ITCH: variants seen among roughly 807,000 people sequenced by gnomAD.
The protein encoded by ITCH is itchy E3 ubiquitin protein ligase.
Under a neutral mutation model 126.8 loss-of-function variants are expected in ITCH, and 28 were observed. That is an observed-to-expected ratio of 0.22 (90% CI 0.16 to 0.30). The LOEUF (loss-of-function observed/expected upper bound fraction) is 0.30, where lower values mean the gene tolerates loss of function less well. Ranked by LOEUF, ITCH falls within the 10% of genes least tolerant of loss-of-function variation. The pLI, the probability that ITCH is intolerant of heterozygous loss-of-function variation, is 1.00. For synonymous variants in ITCH, 342 were observed against 340.0 expected, an observed-to-expected ratio of 1.01 and a Z score of -0.06; for missense variants, 631 against 1,032.4, an observed-to-expected ratio of 0.61 and a Z score of 5.33.
At chr20:34,386,758 T>C (rs1215077906) in intron 2 of ITCH, among the ~76,000 whole-genome samples, 2 of 152,206 alleles carry the variant, frequency 1.3e-5, no homozygotes, top group Non-Finnish European at 2.9e-5. Flanking sequence ...CAATATCCTG[T>C]TTAATAATTT....
intron 6 of ITCH, among the ~76,000 whole-genome samples, chr20:34,419,154 T>G (rs140813160): frequency 1.3e-5 from 2 of 152,338 alleles, no homozygotes; most frequent in East Asian, 3.9e-4. Flanking sequence ...GATATGGTCA[T>G]TGTGAATTTC....
chr20:34,482,077 C>T (rs1279038216), intron 20 of ITCH, among the ~76,000 whole-genome samples: 1 of 152,170 alleles, frequency 6.6e-6, no homozygotes, highest in Non-Finnish European at 1.5e-5. Context: ...GTCATGCAAA[C>T]AGCAGGGGAA....
chr20:34,494,188 C>T (rs1454514905), intron 23 of ITCH, among the ~76,000 whole-genome samples: 1 of 152,174 alleles, frequency 6.6e-6, no homozygotes, highest in Non-Finnish European at 1.5e-5. Flanking sequence ...TGAGATCGTG[C>T]CACTGCACTC....
intron 13 of ITCH, among the ~76,000 whole-genome samples, chr20:34,461,082 A>C (rs1386782460): frequency 1.3e-5 from 2 of 152,146 alleles, no homozygotes; most frequent in Non-Finnish European, 2.9e-5. Context: ...ATATGGGACA[A>C]AAGGAAAGGC....
rs1988660993 is a variant in ITCH at position 34,480,649 on chromosome 20, T to C, written c.1869T>C (p.Tyr623=). Reference sequence around the variant, plus strand: ...ACACGGGTTTTTCTTTACCATTCTATAAGCGTATCTTGAACAAACCAGTTG... The same window carrying C: ...ACACGGGTTTTTCTTTACCATTCTACAAGCGTATCTTGAACAAACCAGTTG... ...FIDTGFSLPF[Y]KRILNKPVGL... Residue 623 remains tyrosine, a synonymous_variant, in exon 19 of 25, where the codon TAT becomes TAC. Coordinates refer to ENST00000374864, the MANE Select transcript of ITCH (RefSeq NM_031483.7). The C allele has an allele frequency of 6.2e-7, 1 of 1,613,484 alleles. No homozygotes were observed. The highest frequency in any genetic ancestry group is 2.2e-5 in the East Asian group (1 of 44,812).
At chr20:34,405,905 C>T (rs1461475933) in intron 3 of ITCH, among the ~76,000 whole-genome samples, 3 of 150,834 alleles carry the variant, frequency 2.0e-5, no homozygotes, top group Non-Finnish European at 4.4e-5. Flanking sequence ...ATTACGTGCC[C>T]GGCCTATTAC....
intron 12 of ITCH, among the ~76,000 whole-genome samples, chr20:34,455,512 G>A (rs1178196209): frequency 2.0e-5 from 3 of 148,720 alleles, no homozygotes; most frequent in South Asian, 4.3e-4. Flanking sequence ...TTGCTCTGTC[G>A]CCAGGCTGTA....
In ITCH at chr20:34,508,956, C is replaced by T. The variant is rs779254861; in HGVS notation, c.*1162C>T. ...ACTGGCTAAAAAGAAAGGAAGATAA[C>T]ATCCAGTAACCACAGGAATATATTC... On this transcript the variant is annotated 3_prime_UTR_variant, in exon 25 of 25. Transcript: ENST00000374864. 2 of 152,214 alleles carry T rather than the reference C, an allele frequency of 1.3e-5. No individual in the cohort carries two copies. Among genetic ancestry groups the T allele is most frequent in the African/African-American group, 2.4e-5 (1 of 41,434 alleles). The allele number at this position is 152,214 out of a possible 1,614,324, so 9.4% of individuals were successfully genotyped here.
At position 34,393,900 on chromosome 20, in the gene ITCH, G is replaced by T. The variant is rs371372248; in HGVS notation, c.70+19G>T. ...ATCACTGGTAAGTTTTAGAAACATC[G>T]GCTGCTTTACTTTATTTTTCCCCGT... is the stretch of plus-strand genomic sequence containing the variant. On this transcript the variant is annotated intron_variant, in intron 3 of 24. Transcript: ENST00000374864. 1.2e-6 allele frequency: 2 copies of T among 1,605,052 alleles called. No homozygotes were observed. Among genetic ancestry groups the T allele is most frequent in the Non-Finnish European group, 1.7e-6 (2 of 1,172,036 alleles).
chr20:34,450,305 T>TA (rs1287988944), intron 12 of ITCH, among the ~76,000 whole-genome samples: 2 of 152,176 alleles, frequency 1.3e-5, no homozygotes, highest in Admixed American at 6.5e-5. Context: ...AAAAGCTTTT[T>TA]AAAAAATTGT....
At chr20:34,379,153 G>A (rs922631072) in intron 2 of ITCH, among the ~76,000 whole-genome samples, 3 of 151,958 alleles carry the variant, frequency 2.0e-5, no homozygotes, top group Non-Finnish European at 2.9e-5. Flanking sequence ...AGCCCTTGGG[G>A]TTTATGTTTT....
chr20:34,401,099 G>A (rs1203419382), intron 3 of ITCH, among the ~76,000 whole-genome samples: 1 of 152,066 alleles, frequency 6.6e-6, no homozygotes, highest in Non-Finnish European at 1.5e-5. Flanking sequence ...TCATTGTGTT[G>A]CCCAGGCTGG....
chr20:34,367,295 AGCCTCCCAAGTAGCT>A (rs1056593084), intron 1 of ITCH, among the ~76,000 whole-genome samples: 3 of 152,128 alleles, frequency 2.0e-5, no homozygotes, highest in Non-Finnish European at 2.9e-5. Context: ...CGTGTGCCTC[AGCCTCCCAAGTAGCT>A]GCCTCCCAAG....
chr20:34,435,548 T>C (rs919839157), intron 7 of ITCH, among the ~76,000 whole-genome samples: 1 of 152,226 alleles, frequency 6.6e-6, no homozygotes, highest in African/African-American at 2.4e-5. Flanking sequence ...ACCTTTTCTT[T>C]ACTGGGCCCA....
chr20:34,404,737 T>C (rs76111833), intron 3 of ITCH, among the ~76,000 whole-genome samples: 173 of 152,158 alleles, frequency 1.1e-3, no homozygotes, highest in African/African-American at 4.0e-3. Flanking sequence ...GTGTAAAAAT[T>C]AGGACAGTAA....
At chr20:34,398,403 T>C (rs1017330839) in intron 3 of ITCH, among the ~76,000 whole-genome samples, 7 of 151,810 alleles carry the variant, frequency 4.6e-5, no homozygotes, top group African/African-American at 1.7e-4. Context: ...AAATATTCTT[T>C]TTCTTTTTTT....
At chr20:34,454,544 A>G (rs1444162078) in intron 12 of ITCH, 1 of 152,060 alleles carries the variant, frequency 6.6e-6, no homozygotes, top group African/African-American at 2.4e-5. Context: ...ACTTTTCTGT[A>G]TATTATGCAC....
intron 13 of ITCH, among the ~76,000 whole-genome samples, chr20:34,459,838 C>T (rs1986345433): frequency 6.6e-6 from 1 of 152,196 alleles, no homozygotes; most frequent in Non-Finnish European, 1.5e-5. Context: ...AATGGAGTTA[C>T]TGCATTTACT....
chr20:34,457,864 A>G (rs1160756065), intron 13 of ITCH, among the ~76,000 whole-genome samples: 1 of 152,060 alleles, frequency 6.6e-6, no homozygotes, highest in Non-Finnish European at 1.5e-5. Context: ...TGGGAGGATC[A>G]CCTGAGCCCA....
Sources: gnomAD v4.1 joint callset for allele counts (sites outside exome capture counted in the v4.1 genomes callset) on GRCh38, gnomAD v4.1.1 for gene constraint, MANE v1.5 for transcripts, NCBI Gene and HGNC (gene_info 2026-07-23, HGNC 2026-07-21) for gene names.